The following CELF2 variants were observed in gnomAD, a reference collection of about 807,000 sequenced individuals.
The protein encoded by CELF2 is CUGBP Elav-like family member 2.
CELF2 carries 8 observed loss-of-function variants against 62.6 expected under a neutral mutation model. That is an observed-to-expected ratio of 0.13 (90% CI 0.07 to 0.23). The LOEUF (loss-of-function observed/expected upper bound fraction) is 0.23. Among genes scored for constraint, CELF2 ranks in the 10% least tolerant of loss-of-function variants. The pLI is 1.00. For missense variants in CELF2, 333 were observed against 671.0 expected (o/e 0.50, Z 5.56); for synonymous variants, 258 against 250.0 (o/e 1.03, Z -0.30).
At chr10:10,639,623 A>G in the CELF2 span, among the ~76,000 whole-genome samples, 6 of 152,170 alleles carry the variant, frequency 3.9e-5, no homozygotes, top group African/African-American at 1.4e-4. Context: ...TCCTTCAAAA[A>G]CATTGTTGAA....
At chr10:10,484,070 A>C in the CELF2 span, among the ~76,000 whole-genome samples, 17 of 4,856 alleles carry the variant, frequency 3.5e-3, no homozygotes, top group East Asian at 6.2e-3. Context: ...CCTCCCTCCC[A>C]CCTTCTCTCT....
intron 2 of CELF2, among the ~76,000 whole-genome samples, chr10:10,921,646 C>T (rs573925618): frequency 2.6e-5 from 4 of 152,076 alleles, no homozygotes; most frequent in South Asian, 4.2e-4. Context: ...GGGAAGAGGA[C>T]GGAGTCCCTG....
At chr10:10,876,175 AT>A (rs1489136619) in intron 1 of CELF2, among the ~76,000 whole-genome samples, 1 of 152,208 alleles carries the variant, frequency 6.6e-6, no homozygotes, top group African/African-American at 2.4e-5. Flanking sequence ...AAAGGACCAC[AT>A]AAAAAAGCAC....
Position 11,054,454 on chromosome 10 carries a change from AT to A in CELF2, c.74+36297del, listed in dbSNP as rs578047046. Among the ~76,000 whole-genome samples, 22 of 150,150 alleles carry A rather than the reference AT, an allele frequency of 1.5e-4. No individual in the cohort carries two copies. In the South Asian group the frequency reaches 4.7e-3, roughly 32 times the overall value. On this transcript the variant is annotated intron_variant, in intron 1 of 12. Coordinates refer to ENST00000633077, the MANE Select transcript of CELF2 (RefSeq NM_001326342.2). Reference sequence around the variant, plus strand: ...AAATCTATCATCAGTTTTCATCATAATTTTTTAAAGAAGAAAACAACTGTGT... The same window carrying A: ...AAATCTATCATCAGTTTTCATCATAATTTTTAAAGAAGAAAACAACTGTGT...
At chr10:10,773,416 T>A in the CELF2 span, among the ~76,000 whole-genome samples, 2 of 152,236 alleles carry the variant, frequency 1.3e-5, no homozygotes, top group Non-Finnish European at 2.9e-5. Flanking sequence ...TCCGACATTA[T>A]TTGCAGTGGT....
chr10:11,009,453 A>G (rs971833279), intron 1 of CELF2, among the ~76,000 whole-genome samples: 3 of 152,120 alleles, frequency 2.0e-5, no homozygotes. Context: ...CAAACACACC[A>G]TTCTGCTTCA....
At chr10:10,700,587 G>C in the CELF2 span, among the ~76,000 whole-genome samples, 41 of 152,236 alleles carry the variant, frequency 2.7e-4, no homozygotes, top group African/African-American at 9.6e-4. Context: ...GCCTGCAATG[G>C]ACCTGAATTA....
chr10:11,029,928 G>A lies in CELF2; in HGVS notation c.74+11765G>A, dbSNP rs559099536. Among the ~76,000 whole-genome samples, 8 of 152,282 alleles carry A rather than the reference G, an allele frequency of 5.3e-5. No individual in the cohort carries two copies. In the East Asian group the frequency reaches 9.6e-4, roughly 18 times the overall value. ...GGACTTTTGTCACCTCAGAAGCCAC[G>A]TGATTGGCCACACTTTTATCTTGCC... On this transcript the variant is annotated intron_variant, in intron 1 of 12. Transcript: ENST00000633077.
At chr10:11,142,032 C>T (rs2061428780) in intron 1 of CELF2, among the ~76,000 whole-genome samples, 2 of 152,174 alleles carry the variant, frequency 1.3e-5, no homozygotes, top group Non-Finnish European at 2.9e-5. Flanking sequence ...GATGCCTTCC[C>T]ACGACATCAT....
chr10:10,781,689 C>A, the CELF2 span, among the ~76,000 whole-genome samples: 4 of 152,136 alleles, frequency 2.6e-5, no homozygotes, highest in Non-Finnish European at 4.4e-5. Flanking sequence ...GGGACACAAC[C>A]AAATCACATC....
intron 2 of CELF2, among the ~76,000 whole-genome samples, chr10:10,937,121 CTTTT>C (rs373143426): frequency 1.4e-3 from 124 of 90,494 alleles, no homozygotes; most frequent in East Asian, 5.7e-3. Context: ...TTTTTCTTTT[CTTTT>C]TTTTTTTTTT....
chr10:10,754,952 G>C, the CELF2 span, among the ~76,000 whole-genome samples: 1 of 152,224 alleles, frequency 6.6e-6, no homozygotes, highest in Non-Finnish European at 1.5e-5. Flanking sequence ...TTAAAACTTA[G>C]ATGTTCTGTT....
chr10:11,326,039 A>T, intron 12 of CELF2, 60 bp downstream of exon 12: 1 of 1,518,570 alleles, frequency 6.6e-7, no homozygotes, highest in Non-Finnish European at 8.9e-7. Context: ...GAGTCGTGGG[A>T]AGGAAAATGT....
the CELF2 span, among the ~76,000 whole-genome samples, chr10:10,596,048 G>A: frequency 6.6e-6 from 1 of 152,288 alleles, no homozygotes; most frequent in African/African-American, 2.4e-5. Context: ...CCACTGGCTA[G>A]CTCACCCTTG....
chr10:10,841,449 T>C (rs1036106659), intron 1 of CELF2, among the ~76,000 whole-genome samples: 2 of 152,006 alleles, frequency 1.3e-5, no homozygotes, highest in African/African-American at 4.8e-5. Flanking sequence ...AAGGTGTAGG[T>C]CTGTGTCTAG....
At chr10:10,551,763 G>A in the CELF2 span, among the ~76,000 whole-genome samples, 6 of 152,012 alleles carry the variant, frequency 3.9e-5, no homozygotes, top group African/African-American at 1.5e-4. Context: ...AAAGGAGCAG[G>A]GTCCAGGAGC....
chr10:11,122,401 T>C (rs1256710723), intron 1 of CELF2, among the ~76,000 whole-genome samples: 5 of 152,220 alleles, frequency 3.3e-5, no homozygotes, highest in Non-Finnish European at 5.9e-5. Flanking sequence ...TACAGAGACA[T>C]ATTAAAAAGG....
At chr10:10,740,663 G>A in the CELF2 span, among the ~76,000 whole-genome samples, 1 of 152,130 alleles carries the variant, frequency 6.6e-6, no homozygotes, top group African/African-American at 2.4e-5. Flanking sequence ...TCAAGATGTG[G>A]AAACAACCTA....
chr10:10,775,292 G>T, the CELF2 span, among the ~76,000 whole-genome samples: 1 of 152,150 alleles, frequency 6.6e-6, no homozygotes, highest in Admixed American at 6.5e-5. Context: ...CCTGTCTGAG[G>T]CACAGCAAGG....
Sources: gnomAD v4.1 joint callset for allele counts (sites outside exome capture counted in the v4.1 genomes callset) on GRCh38, gnomAD v4.1.1 for gene constraint, MANE v1.5 for transcripts, NCBI Gene and HGNC (gene_info 2026-07-23, HGNC 2026-07-21) for gene names.